IFT56: variants seen among roughly 807,000 people sequenced by gnomAD.
The protein encoded by IFT56 is intraflagellar transport 56.
At chr7:139,150,148 T>C in the IFT56 span, among the ~76,000 whole-genome samples, 1 of 152,210 alleles carries the variant, frequency 6.6e-6, no homozygotes, top group Non-Finnish European at 1.5e-5. Flanking sequence ...TATATACTTA[T>C]ATATTAAATA....
chr7:139,156,192 T>C, the IFT56 span, among the ~76,000 whole-genome samples: 1 of 152,124 alleles, frequency 6.6e-6, no homozygotes, highest in African/African-American at 2.4e-5. Flanking sequence ...TCAGTAGTAT[T>C]GCCTTCTTTC....
the IFT56 span, chr7:139,168,728 A>G: frequency 9.1e-6 from 3 of 327,950 alleles, no homozygotes; most frequent in Non-Finnish European, 1.2e-5. Flanking sequence ...ACATATATCT[A>G]GCTATAATTT....
chr7:139,148,726 A>AC, the IFT56 span, among the ~76,000 whole-genome samples: 4 of 151,564 alleles, frequency 2.6e-5, no homozygotes, highest in Non-Finnish European at 5.9e-5. Flanking sequence ...GGAGTTTGAG[A>AC]CCAGCCTAGC....
the IFT56 span, chr7:139,190,783 A>T: frequency 6.6e-6 from 1 of 152,328 alleles, no homozygotes; most frequent in South Asian, 2.1e-4. Context: ...TCTATGTTTT[A>T]TACTACCTTT....
At chr7:139,170,929 A>G in the IFT56 span, among the ~76,000 whole-genome samples, 8 of 152,228 alleles carry the variant, frequency 5.3e-5, no homozygotes, top group African/African-American at 1.9e-4. Context: ...TGCAGATGAT[A>G]TGATCTTATA....
At chr7:139,140,384 G>A in the IFT56 span, among the ~76,000 whole-genome samples, 1 of 152,176 alleles carries the variant, frequency 6.6e-6, no homozygotes, top group South Asian at 2.1e-4. Flanking sequence ...AGCAATTTCA[G>A]TTTGAAGAAT....
chr7:139,173,005 CAGTT>C, the IFT56 span: 1 of 726,352 alleles, frequency 1.4e-6, no homozygotes, highest in Non-Finnish European at 2.6e-6. Context: ...AAGTCTGTCA[CAGTT>C]GGTGGTGTGG....
At chr7:139,169,230 T>A in the IFT56 span, 3 of 1,383,112 alleles carry the variant, frequency 2.2e-6, no homozygotes, top group Non-Finnish European at 3.1e-6. Flanking sequence ...AACCATATAG[T>A]ATAATAAAAT....
At chr7:139,173,583 G>A in the IFT56 span, 1 of 818,428 alleles carries the variant, frequency 1.2e-6, no homozygotes, top group African/African-American at 1.7e-5. Context: ...ACCAACAGGA[G>A]AGTGTAATCA....
At chr7:139,160,623 G>A in the IFT56 span, among the ~76,000 whole-genome samples, 3 of 151,960 alleles carry the variant, frequency 2.0e-5, no homozygotes, top group Non-Finnish European at 4.4e-5. Flanking sequence ...GTAGAAACAG[G>A]GTTTCACCAC....
the IFT56 span, among the ~76,000 whole-genome samples, chr7:139,174,750 G>A: frequency 2.6e-5 from 4 of 152,308 alleles, no homozygotes; most frequent in South Asian, 2.1e-4. Context: ...CCCGGGTGCC[G>A]TGGCTCACAC....
the IFT56 span, among the ~76,000 whole-genome samples, chr7:139,140,983 G>T: frequency 1.4e-5 from 2 of 144,632 alleles, no homozygotes; most frequent in Non-Finnish European, 3.0e-5. Context: ...AGGGTCAGCC[G>T]GGTGCAGTGG....
the IFT56 span, among the ~76,000 whole-genome samples, chr7:139,154,487 T>C: frequency 6.6e-6 from 1 of 152,168 alleles, no homozygotes; most frequent in Non-Finnish European, 1.5e-5. Context: ...TTTAGGTCTT[T>C]GATCCATTTT....
chr7:139,153,064 G>A, the IFT56 span, among the ~76,000 whole-genome samples: 37 of 151,190 alleles, frequency 2.4e-4, no homozygotes, highest in Non-Finnish European at 4.7e-4. Flanking sequence ...CAGGAGAATC[G>A]CTTGAACCCG....
the IFT56 span, among the ~76,000 whole-genome samples, chr7:139,171,607 A>G: frequency 2.0e-5 from 3 of 152,208 alleles, no homozygotes; most frequent in Non-Finnish European, 4.4e-5. Context: ...TCTCTTCAAT[A>G]AATTATGCTG....
At chr7:139,148,299 G>C in the IFT56 span, 2 of 1,614,060 alleles carry the variant, frequency 1.2e-6, no homozygotes, top group Middle Eastern at 3.3e-4. Flanking sequence ...TTTACCTTCA[G>C]CAAATTCCTG....
the IFT56 span, among the ~76,000 whole-genome samples, chr7:139,186,718 G>C: frequency 6.6e-6 from 1 of 152,112 alleles, no homozygotes; most frequent in Non-Finnish European, 1.5e-5. Flanking sequence ...AGAATGTACT[G>C]AAGAGACTTG....
chr7:139,165,092 C>T, the IFT56 span: 7 of 1,507,050 alleles, frequency 4.6e-6, no homozygotes, highest in Middle Eastern at 1.0e-3. Flanking sequence ...TAAATATATA[C>T]ATCATTGTTG....
the IFT56 span, chr7:139,147,251 A>G: frequency 6.2e-7 from 1 of 1,613,372 alleles, no homozygotes; most frequent in Non-Finnish European, 8.5e-7. Flanking sequence ...CACTACCAAG[A>G]AGCTATAGAT....
Sources: gnomAD v4.1 joint callset for allele counts (sites outside exome capture counted in the v4.1 genomes callset) on GRCh38, gnomAD v4.1.1 for gene constraint, MANE v1.5 for transcripts, NCBI Gene and HGNC (gene_info 2026-07-23, HGNC 2026-07-21) for gene names.